The following EYS variants were observed in gnomAD, a reference collection of about 807,000 sequenced individuals.
The protein encoded by EYS is protein eyes shut homolog.
A neutral mutation model predicts 282.1 loss-of-function variants in EYS; 250 were observed. The ratio of observed to expected loss-of-function variants is 0.89; its 90% confidence interval spans 0.80 to 0.98. The LOEUF (loss-of-function observed/expected upper bound fraction) is 0.98. Ranked by LOEUF, EYS falls within the 50% of genes least tolerant of loss-of-function variation. The pLI is 0.00. For synonymous variants in EYS, 1,355 were observed against 1,282.9 expected (o/e 1.06, Z -1.20); for missense variants, 4,016 against 3,709.0 (o/e 1.08, Z -2.15).
chr6:64,262,204 T>C (rs573245923), intron 30 of EYS, among the ~76,000 whole-genome samples: 255 of 152,224 alleles, frequency 1.7e-3, no homozygotes, highest in African/African-American at 5.9e-3. Flanking sequence ...CTTTATAATA[T>C]AAGCAATTTT....
At chr6:64,228,290 T>C (rs1384242968) in intron 31 of EYS, among the ~76,000 whole-genome samples, 5 of 152,292 alleles carry the variant, frequency 3.3e-5, no homozygotes, top group Middle Eastern at 3.4e-3. Context: ...TATTTACGAA[T>C]AAAATTTCAG....
chr6:64,390,231 A>G (rs1773070015), intron 28 of EYS, among the ~76,000 whole-genome samples: 1 of 152,134 alleles, frequency 6.6e-6, no homozygotes. Context: ...TTGATTAGGT[A>G]AACAAAGCAG....
intron 2 of EYS, among the ~76,000 whole-genome samples, chr6:65,597,715 A>G (rs1189189109): frequency 6.6e-6 from 1 of 152,038 alleles, no homozygotes; most frequent in Non-Finnish European, 1.5e-5. Context: ...ACTGCGGCTA[A>G]TATCAACATT....
At chr6:64,339,487 G>A (rs906150141) in intron 29 of EYS, among the ~76,000 whole-genome samples, 1 of 151,882 alleles carries the variant, frequency 6.6e-6, no homozygotes, top group African/African-American at 2.4e-5. Context: ...AGTGGATGTT[G>A]GAGTGATGTG....
At chr6:64,996,572 C>G (rs1771271208) in intron 14 of EYS, among the ~76,000 whole-genome samples, 1 of 152,118 alleles carries the variant, frequency 6.6e-6, no homozygotes, top group Non-Finnish European at 1.5e-5. Context: ...AAGCATGAGA[C>G]ATGGACCAAG....
intron 31 of EYS, among the ~76,000 whole-genome samples, chr6:64,135,611 C>T (rs1042383570): frequency 6.6e-6 from 1 of 152,040 alleles, no homozygotes; most frequent in Non-Finnish European, 1.5e-5. Flanking sequence ...TACAGGCATA[C>T]TTCAGACACA....
At chr6:65,466,205 A>C (rs1215495302) in intron 5 of EYS, among the ~76,000 whole-genome samples, 1 of 152,108 alleles carries the variant, frequency 6.6e-6, no homozygotes, top group Non-Finnish European at 1.5e-5. Flanking sequence ...CAAGAATTGG[A>C]ACTAAAAAAG....
intron 28 of EYS, among the ~76,000 whole-genome samples, chr6:64,390,098 T>C (rs1001886107): frequency 1.3e-5 from 2 of 152,022 alleles, no homozygotes; most frequent in African/African-American, 2.4e-5. Flanking sequence ...CGAGATTATA[T>C]CCCGCACCTG....
chr6:65,089,711 T>C (rs1307826586), intron 12 of EYS, among the ~76,000 whole-genome samples: 2 of 151,902 alleles, frequency 1.3e-5, no homozygotes, highest in African/African-American at 4.8e-5. Context: ...AGCACTTCTT[T>C]GGGAGGCCAA....
At chr6:63,757,154 T>C (rs13199206) in intron 41 of EYS, among the ~76,000 whole-genome samples, 43,092 of 151,872 alleles carry the variant, frequency 0.28, 6,382 homozygotes, top group Admixed American at 0.36. Context: ...AGGGAAGATA[T>C]TGCTGAATTC....
intron 40 of EYS, among the ~76,000 whole-genome samples, chr6:63,772,322 C>G (rs1205576241): frequency 1.3e-5 from 2 of 152,014 alleles, no homozygotes; most frequent in African/African-American, 2.4e-5. Context: ...TACATTAATT[C>G]CAGTTCATAT....
intron 12 of EYS, among the ~76,000 whole-genome samples, chr6:65,263,231 C>T (rs1767663729): frequency 6.6e-6 from 1 of 152,020 alleles, no homozygotes; most frequent in South Asian, 2.1e-4. Flanking sequence ...GTCCCAGCTA[C>T]TCAGAAGGCT....
At chr6:64,820,215 G>A (rs989436223) in intron 21 of EYS, among the ~76,000 whole-genome samples, 2 of 151,964 alleles carry the variant, frequency 1.3e-5, no homozygotes, top group African/African-American at 2.4e-5. Context: ...AAGTCACTGA[G>A]TATAATGAGT....
chr6:64,007,445 A>G (rs1283459402), intron 33 of EYS, among the ~76,000 whole-genome samples: 1 of 151,558 alleles, frequency 6.6e-6, no homozygotes, highest in Non-Finnish European at 1.5e-5. Context: ...AAAGAAACAC[A>G]TAGGTTTTTT....
intron 22 of EYS, among the ~76,000 whole-genome samples, chr6:64,671,048 G>T (rs901399946): frequency 1.3e-5 from 2 of 152,042 alleles, no homozygotes; most frequent in African/African-American, 4.8e-5. Flanking sequence ...ACTTTATTTT[G>T]CATTCATTCC....
chr6:64,053,443 T>A (rs1770879776), intron 33 of EYS, among the ~76,000 whole-genome samples: 1 of 152,196 alleles, frequency 6.6e-6, no homozygotes, highest in Admixed American at 6.5e-5. Context: ...TAACTTCATT[T>A]GTTGCCTGTA....
chr6:63,873,648 C>T (rs575542027), intron 35 of EYS, among the ~76,000 whole-genome samples: 4 of 152,264 alleles, frequency 2.6e-5, no homozygotes, highest in South Asian at 4.1e-4. Flanking sequence ...TATTTCTCCA[C>T]ATCCTCTCCA....
At chr6:64,649,830 T>G (rs1384484123) in intron 22 of EYS, among the ~76,000 whole-genome samples, 1 of 152,186 alleles carries the variant, frequency 6.6e-6, no homozygotes, top group Non-Finnish European at 1.5e-5. Context: ...TTAATGTTTA[T>G]AATACATTAT....
At chr6:64,823,346 C>T (rs75459328) in intron 19 of EYS, among the ~76,000 whole-genome samples, 2 of 151,966 alleles carry the variant, frequency 1.3e-5, no homozygotes, top group East Asian at 3.9e-4. Context: ...AGAACCACCT[C>T]TATGCTCAAC....
Sources: gnomAD v4.1 joint callset for allele counts (sites outside exome capture counted in the v4.1 genomes callset) on GRCh38, gnomAD v4.1.1 for gene constraint, MANE v1.5 for transcripts, NCBI Gene and HGNC (gene_info 2026-07-23, HGNC 2026-07-21) for gene names.